The following SUSD2 variants were observed in gnomAD, a reference collection of about 807,000 sequenced individuals.
The protein encoded by SUSD2 is sushi domain-containing protein 2.
In SUSD2, 86 loss-of-function variants were observed where a neutral mutation model predicts 93.8. The observed-to-expected ratio is 0.92, with a 90% CI of 0.77 to 1.10. The LOEUF is 1.10. Among genes scored for constraint, SUSD2 ranks in the 50% least tolerant of loss-of-function variants. SUSD2 has a pLI of 0.00. For missense variants in SUSD2, 1,060 were observed against 1,137.0 expected (o/e 0.93, Z 0.97); for synonymous variants, 483 against 485.0 (o/e 1.00, Z 0.05).
At chr22:24,187,896 G>A in intron 12 of SUSD2, 53 bp downstream of exon 12, 1 of 1,603,586 alleles carries the variant, frequency 6.2e-7, no homozygotes, top group African/African-American at 1.3e-5. Context: ...ACCCCCCGGG[G>A]TGGCCAGATG....
At chr22:24,184,535 G>C (rs957435339) in intron 4 of SUSD2, among the ~76,000 whole-genome samples, 1 of 152,048 alleles carries the variant, frequency 6.6e-6, no homozygotes, top group African/African-American at 2.4e-5. Flanking sequence ...AGGCTCATGA[G>C]GAACCCCTGC....
chr22:24,185,419 G>A, intron 6 of SUSD2, 67 bp from the exon 7 acceptor site: 1 of 1,533,538 alleles, frequency 6.5e-7, no homozygotes, highest in East Asian at 2.4e-5. Flanking sequence ...ACCCCTGCAG[G>A]GTTGGCCTCA....
At position 24,184,813 on chromosome 22, in the gene SUSD2, C is replaced by T. The variant is rs765008125; in HGVS notation, c.655C>T (p.Pro219Ser). 7.4e-6 allele frequency: 12 copies of T among 1,612,684 alleles called. No homozygotes were observed. Among genetic ancestry groups the T allele is most frequent in the African/African-American group, 1.3e-5 (1 of 74,874 alleles). ...EWTAKWSYLYPLATHIPNSGS... is the reference protein window; with the variant it reads ...EWTAKWSYLYSLATHIPNSGS... ...GACTGCAAAGTGGTCGTACCTGTAC[C>T]CCCTGGCCACACACATCCCCAACTC... Residue 219 changes from proline (P) to serine (S), a missense_variant, in exon 5 of 15, where the codon CCC (proline) becomes TCC (serine). Physicochemically the swap from Pro to Ser is moderately conservative, Grantham distance 74. This residue lies in a region of SUSD2 where 973 missense variants were observed against 1,005.3 expected (regional missense o/e 0.97). Coordinates refer to ENST00000358321, the MANE Select transcript of SUSD2 (RefSeq NM_019601.4).
At position 24,187,276 on chromosome 22, in the gene SUSD2, G is replaced by T. The variant is rs577588238; in HGVS notation, c.1717G>T (p.Val573Leu). ...ATCAGGGGCCGGCCTGGAGGTCAGC[G>T]TGCAGGGCCCGTTCCTGAGTGTGTC... is the stretch of plus-strand genomic sequence containing the variant. ...LASGAGLEVS[V>L]QGPFLSVSVL... The change falls in exon 11 of 15, where the codon GTG becomes TTG. Residue 573 changes from valine (V) to leucine (L), a missense_variant. This residue lies in a region of SUSD2 where 973 missense variants were observed against 1,005.3 expected (regional missense o/e 0.97). Coordinates refer to ENST00000358321, the MANE Select transcript of SUSD2 (RefSeq NM_019601.4). The T allele has an allele frequency of 2.5e-6, 4 of 1,614,030 alleles. No individual in the cohort carries two copies. Among genetic ancestry groups the T allele is most frequent in the Non-Finnish European group, 3.4e-6 (4 of 1,180,014 alleles).
At chr22:24,183,327 A>C (rs2047337558) in intron 2 of SUSD2, 60 bp downstream of exon 2, 1 of 1,563,048 alleles carries the variant, frequency 6.4e-7, no homozygotes, top group Non-Finnish European at 8.8e-7. Flanking sequence ...GTGCATGCTG[A>C]GGGCTCAGAC....
chr22:24,184,223 GC>G lies in SUSD2; in HGVS notation c.528del (p.Asn177ThrfsTer4), dbSNP rs1359985679. ...TACTACGGCACCGCCAACACCTCAGGCAACCTCAGCCTGACCTGGCATGTCA... is the reference window on the plus strand; with the variant it reads ...TACTACGGCACCGCCAACACCTCAGGAACCTCAGCCTGACCTGGCATGTCA... ...WQYYGTANTS[G>X]NLSLTWHVKS... On this transcript the variant is annotated frameshift_variant, in exon 4 of 15. Transcript: ENST00000358321. LOFTEE classifies it high-confidence loss of function. The G allele has an allele frequency of 1.2e-6, 2 of 1,613,604 alleles. No homozygotes were observed. Among genetic ancestry groups the G allele is most frequent in the African/African-American group, 2.7e-5 (2 of 74,938 alleles).
At position 24,183,237 on chromosome 22, in the gene SUSD2, C is replaced by G. The variant is rs758391122; in HGVS notation, c.257C>G (p.Ser86Cys). The change falls in exon 2 of 15, where the codon TCC becomes TGC. Residue 86 changes from serine (S) to cysteine (C), a missense_variant. Physicochemically the swap from Ser to Cys is moderately radical, Grantham distance 112. Around this residue, in one of 2 missense-constraint regions of SUSD2, gnomAD observed 87 missense variants for 131.6 expected, o/e 0.66. Transcript: ENST00000358321. The part of the protein sequence containing the change: ...KDFVVRHFKM[S>C]SPTDASVICR... ...TTTGTGGTGCGGCACTTCAAGATGTCCAGCCCCACAGACGCCAGTGTGATC... is the reference window on the plus strand; with the variant it reads ...TTTGTGGTGCGGCACTTCAAGATGTGCAGCCCCACAGACGCCAGTGTGATC... 10 of 1,613,564 alleles carry G rather than the reference C, an allele frequency of 6.2e-6. No individual in the cohort carries two copies. Among genetic ancestry groups the G allele is most frequent in the Non-Finnish European group, 8.5e-6 (10 of 1,179,766 alleles).
chr22:24,187,586 C>G lies in SUSD2; in HGVS notation c.1907C>G (p.Ala636Gly). 1 of 1,612,512 alleles carries G rather than the reference C, an allele frequency of 6.2e-7. No individual in the cohort carries two copies. Among genetic ancestry groups the G allele is most frequent in the Non-Finnish European group, 8.5e-7 (1 of 1,178,998 alleles). ...TATCTTCCAGGGACCGTGCACAATG[C>G]GTCCTCCCTGCTCACCTACGATTCC... is the stretch of plus-strand genomic sequence containing the variant. ...LFGANWTVHN[A>G]SSLLTYDSWF... Residue 636 changes from alanine (A) to glycine (G), a missense_variant, in exon 12 of 15, where the codon GCG becomes GGG. Ala to Gly is a moderately conservative substitution (Grantham distance 60). This residue lies in a region of SUSD2 where 973 missense variants were observed against 1,005.3 expected (regional missense o/e 0.97). Coordinates refer to ENST00000358321, the MANE Select transcript of SUSD2 (RefSeq NM_019601.4).
rs757532154 is a variant in SUSD2 at position 24,184,949 on chromosome 22, G to A, written c.782+9G>A. 2.5e-6 allele frequency: 4 copies of A among 1,613,144 alleles called. No homozygotes were observed. The South Asian group carries it at 4.4e-5, about 18-fold the overall frequency. On this transcript the variant is annotated intron_variant, in intron 5 of 14. Transcript: ENST00000358321. ...AATTACGCAGGGCAGAAGTAAGAAG[G>A]CATGGATGTGCAGGTGATGGCTGGA...
intron 2 of SUSD2, 61 bp from the exon 3 acceptor site, chr22:24,183,434 A>G (rs2049948984): frequency 1.3e-5 from 20 of 1,575,098 alleles, no homozygotes; most frequent in Non-Finnish European, 1.7e-5. Context: ...TTGGGGGCCC[A>G]GACCATCGAG....
chr22:24,188,545 T>G lies in SUSD2; in HGVS notation c.*109T>G. 9.4e-7 allele frequency: 1 copy of G among 1,065,232 alleles called. No homozygotes were observed. Among genetic ancestry groups the G allele is most frequent in the Non-Finnish European group, 1.4e-6 (1 of 720,364 alleles). 66.0% of individuals were successfully genotyped at this position (1,065,232 alleles called of 1,614,324 possible). ...AGACACCTGGGACCTGGATACTTGA[T>G]ACCTGGGCATTTAACCCCCTACTCT... is the stretch of plus-strand genomic sequence containing the variant. On this transcript the variant is annotated 3_prime_UTR_variant, in exon 15 of 15. Coordinates refer to ENST00000358321, the MANE Select transcript of SUSD2 (RefSeq NM_019601.4). This position sits in a 1 kb window ranked among gnomAD's most constrained non-coding sequence, Gnocchi z 4.7.
Position 24,186,032 on chromosome 22 carries a change from C to G in SUSD2, c.1356C>G (p.Asp452Glu). Residue 452 changes from aspartate to glutamate, a missense_variant, in exon 9 of 15, where the codon GAC becomes GAG. Asp to Glu is a conservative substitution (Grantham distance 45, BLOSUM62 2). Coordinates refer to ENST00000358321, the MANE Select transcript of SUSD2 (RefSeq NM_019601.4). ...RPPRLASAFGDPHFVTFDGTN... is the reference protein window; with the variant it reads ...RPPRLASAFGEPHFVTFDGTN... The stretch of plus-strand genomic sequence containing the variant: ...TCACCCTAGCCTCCGCCTTCGGAGA[C>G]CCACACTTTGTGACCTTCGACGGCA... The G allele has an allele frequency of 6.2e-7, 1 of 1,610,772 alleles. No individual in the cohort carries two copies. Among genetic ancestry groups the G allele is most frequent in the Non-Finnish European group, 8.5e-7 (1 of 1,178,388 alleles).
At position 24,181,611 on chromosome 22, in the gene SUSD2, C is replaced by T; in HGVS notation, c.76+16C>T. 5 of 1,573,174 alleles carry T rather than the reference C, an allele frequency of 3.2e-6. No individual in the cohort carries two copies. The highest frequency in any genetic ancestry group is 1.2e-5 in the South Asian group (1 of 86,090). On this transcript the variant is annotated intron_variant, in intron 1 of 14. Coordinates refer to ENST00000358321, the MANE Select transcript of SUSD2 (RefSeq NM_019601.4). The stretch of plus-strand genomic sequence containing the variant: ...CCCACAGCAGGTATGCCTCCCTGCC[C>T]TTCTGTGTCCCCGTCTGTCTGTCCA...
chr22:24,185,501 G>A lies in SUSD2; in HGVS notation c.1000G>A (p.Asp334Asn), dbSNP rs1204831300. The A allele has an allele frequency of 1.3e-6, 2 of 1,568,512 alleles. No individual in the cohort carries two copies. ...SGRFFTDYGCDMEQGSVCTYH... is the reference protein window; with the variant it reads ...SGRFFTDYGCNMEQGSVCTYH... ...TGCTCTGCAGACGGACTACGGCTGT[G>A]ACATGGAGCAGGGCAGCGTGTGCAC... The change falls in exon 7 of 15, where the codon GAC becomes AAC. Residue 334 changes from aspartate (D) to asparagine (N), a missense_variant. Coordinates refer to ENST00000358321, the MANE Select transcript of SUSD2 (RefSeq NM_019601.4).
In SUSD2 at chr22:24,184,886, G is replaced by A. The variant is rs759127454; in HGVS notation, c.728G>A (p.Arg243Lys). ...TPKPAPPSYQ[R>K]WRVGALRIID... ...AAACCTGCTCCTCCCAGCTACCAGA[G>A]ATGGCGAGTGGGTGCACTTCGGATC... is the stretch of plus-strand genomic sequence containing the variant. Residue 243 changes from arginine (R) to lysine (K), a missense_variant, in exon 5 of 15, where the codon AGA becomes AAA. Physicochemically the swap from Arg to Lys is conservative, Grantham distance 26 (BLOSUM62 2). Transcript: ENST00000358321. The A allele has an allele frequency of 6.8e-6, 11 of 1,613,954 alleles. No individual in the cohort carries two copies. Among genetic ancestry groups the A allele is most frequent in the East Asian group, 4.5e-5 (2 of 44,886 alleles).
At chr22:24,182,083 C>G (rs1156458833) in intron 1 of SUSD2, among the ~76,000 whole-genome samples, 1 of 152,206 alleles carries the variant, frequency 6.6e-6, no homozygotes, top group African/African-American at 2.4e-5. Context: ...GCCACCAAAT[C>G]CTTGGCCAGT....
Position 24,183,573 on chromosome 22 carries a change from G to A in SUSD2, c.366G>A (p.Glu122=), listed in dbSNP as rs866366331. 1.2e-6 allele frequency: 2 copies of A among 1,613,418 alleles called. No homozygotes were observed. The highest frequency in any genetic ancestry group is 4.5e-5 in the East Asian group (2 of 44,882). Reference sequence around the variant, plus strand: ...ACTGTGTGTCACCTCTGCTCTATGAGAGCGGCCGCATCCCCTTCACTGTGT... The same window carrying A: ...ACTGTGTGTCACCTCTGCTCTATGAAAGCGGCCGCATCCCCTTCACTGTGT... ...QVHCVSPLLY[E]SGRIPFTVSL... Residue 122 remains glutamate, a synonymous_variant, in exon 3 of 15, where the codon GAG becomes GAA. Transcript: ENST00000358321.
intron 1 of SUSD2, 95 bp downstream of exon 1, chr22:24,181,690 T>A (rs2047326935): frequency 2.0e-6 from 2 of 989,666 alleles, no homozygotes; most frequent in Non-Finnish European, 1.5e-6. Flanking sequence ...CCTCTGTCCA[T>A]CTGTCAGGCC....
At chr22:24,182,040 G>C (rs567616195) in intron 1 of SUSD2, among the ~76,000 whole-genome samples, 34 of 152,214 alleles carry the variant, frequency 2.2e-4, no homozygotes, top group African/African-American at 7.7e-4. Flanking sequence ...TCACTTGCAA[G>C]CATCTCTCGG....
Sources: gnomAD v4.1 joint callset for allele counts (sites outside exome capture counted in the v4.1 genomes callset) on GRCh38, gnomAD v4.1.1 for gene constraint, gnomAD v4.1.1 regional missense constraint, Gnocchi (gnomAD v3.1) non-coding constraint, MANE v1.5 for transcripts, NCBI Gene and HGNC (gene_info 2026-07-23, HGNC 2026-07-21) for gene names.